SEC63: variants seen among roughly 807,000 people sequenced by gnomAD.
SEC63 encodes translocation protein SEC63 homolog.
SEC63 carries 56 observed loss-of-function variants against 116.2 expected under a neutral mutation model. That is an observed-to-expected ratio of 0.48 (90% CI 0.39 to 0.60). SEC63 has a LOEUF of 0.60. SEC63 is among the 20% of genes least tolerant of loss of function. SEC63 has a pLI of 0.00. For synonymous variants in SEC63, 273 were observed against 294.6 expected, an observed-to-expected ratio of 0.93 and a Z score of 0.75; for missense variants, 668 against 900.0, an observed-to-expected ratio of 0.74 and a Z score of 3.30.
intron 1 of SEC63, among the ~76,000 whole-genome samples, chr6:107,944,631 C>T (rs1026417192): frequency 1.3e-5 from 2 of 151,926 alleles, no homozygotes; most frequent in Admixed American, 6.6e-5. Context: ...CGGGAAGTGG[C>T]GGTTGCAGTG....
chr6:107,928,870 G>A lies in SEC63; in HGVS notation c.224+545C>T, dbSNP rs115080326. Among the ~76,000 whole-genome samples the A allele has an allele frequency of 9.6e-3, 1,463 of 152,308 alleles. 15 individuals are homozygous for A. The highest frequency in any genetic ancestry group is 0.033 in the African/African-American group (1,351 of 41,556). ...TAATGGCCTGTTTAAAATAAAGGGT[G>A]ATTAGGTCCCTGATCCAACACTTCT... On this transcript the variant is annotated intron_variant, in intron 2 of 20. Transcript: ENST00000369002.
intron 4 of SEC63, among the ~76,000 whole-genome samples, chr6:107,921,498 T>C (rs1787555331): frequency 6.6e-6 from 1 of 151,808 alleles, no homozygotes; most frequent in African/African-American, 2.4e-5. Context: ...GTCATCGAAG[T>C]TGGGCTGCAG....
chr6:107,937,353 T>C (rs1466384389), intron 1 of SEC63, among the ~76,000 whole-genome samples: 1 of 152,074 alleles, frequency 6.6e-6, no homozygotes, highest in Non-Finnish European at 1.5e-5. Context: ...CTCGAACTCC[T>C]GACCTCAGGT....
intron 16 of SEC63, among the ~76,000 whole-genome samples, chr6:107,891,986 G>A (rs1031055000): frequency 2.6e-5 from 4 of 152,228 alleles, no homozygotes; most frequent in African/African-American, 7.2e-5. Context: ...TGTATGAGCT[G>A]TCTCTTGTGG....
intron 8 of SEC63, among the ~76,000 whole-genome samples, chr6:107,908,316 T>C (rs1328735997): frequency 1.4e-5 from 2 of 144,150 alleles, no homozygotes; most frequent in Admixed American, 1.4e-4. Context: ...CTTTATATAA[T>C]CAAAGAAAGT....
chr6:107,951,709 C>T (rs376418733), intron 1 of SEC63, among the ~76,000 whole-genome samples: 1 of 151,906 alleles, frequency 6.6e-6, no homozygotes, highest in East Asian at 1.9e-4. Context: ...GTGGGCCGGG[C>T]GCGGTGGCTC....
chr6:107,939,000 T>C (rs1340399438), intron 1 of SEC63, among the ~76,000 whole-genome samples: 3 of 152,248 alleles, frequency 2.0e-5, no homozygotes, highest in Non-Finnish European at 4.4e-5. Context: ...AATATTACAA[T>C]GGCCGGGCAC....
intron 15 of SEC63, 46 bp from the exon 16 acceptor site, chr6:107,893,701 C>T (rs1221292809): frequency 5.6e-6 from 9 of 1,609,036 alleles, no homozygotes; most frequent in Non-Finnish European, 7.7e-6. Context: ...GCAACAGATT[C>T]AATTGAAGGT....
chr6:107,878,015 T>C, intron 18 of SEC63, among the ~76,000 whole-genome samples: 1 of 152,228 alleles, frequency 6.6e-6, no homozygotes, highest in East Asian at 1.9e-4. Context: ...CATATGTGTG[T>C]AAATACATAA....
intron 1 of SEC63, among the ~76,000 whole-genome samples, chr6:107,944,148 T>C (rs986514705): frequency 2.0e-5 from 3 of 152,188 alleles, no homozygotes; most frequent in Admixed American, 1.3e-4. Flanking sequence ...GAGTAACTTC[T>C]AATCCAGTCC....
At chr6:107,933,370 A>C (rs1051527817) in intron 1 of SEC63, among the ~76,000 whole-genome samples, 1 of 152,218 alleles carries the variant, frequency 6.6e-6, no homozygotes, top group Non-Finnish European at 1.5e-5. Context: ...TTACAGCAGC[A>C]ACAGGAAACA....
At chr6:107,905,128 G>A (rs1787118597) in intron 10 of SEC63, among the ~76,000 whole-genome samples, 1 of 152,134 alleles carries the variant, frequency 6.6e-6, no homozygotes, top group South Asian at 2.1e-4. Context: ...TACAGAAAGA[G>A]AAAGACTCTT....
At position 107,913,096 on chromosome 6, in the gene SEC63, A is replaced by G. The variant is rs573741199; in HGVS notation, c.514+270T>C. On this transcript the variant is annotated intron_variant, in intron 5 of 20. Coordinates refer to ENST00000369002, the MANE Select transcript of SEC63 (RefSeq NM_007214.5). ...ATGAGAAAATGTGAAGTCTGTAAAG[A>G]AAAATAAGATTTTTTCCTCCAAATT... 2.1e-3 allele frequency among the ~76,000 whole-genome samples: 327 copies of G among 152,312 alleles called. 4 individuals are homozygous for G. The highest frequency in any genetic ancestry group is 7.6e-3 in the African/African-American group (318 of 41,578).
intron 4 of SEC63, among the ~76,000 whole-genome samples, chr6:107,920,846 A>C (rs1315558410): frequency 3.3e-5 from 5 of 152,222 alleles, no homozygotes; most frequent in African/African-American, 1.2e-4. Context: ...AATGTTCCTC[A>C]AACTTTATAA....
At chr6:107,880,811 A>C (rs1298874235) in intron 18 of SEC63, 1 of 214,920 alleles carries the variant, frequency 4.7e-6, no homozygotes, top group East Asian at 1.1e-4. Context: ...ATAGTTAAGT[A>C]TTCAAAGGCA....
intron 1 of SEC63, among the ~76,000 whole-genome samples, chr6:107,942,491 A>G (rs953710163): frequency 4.6e-5 from 7 of 152,220 alleles, no homozygotes; most frequent in African/African-American, 1.7e-4. Flanking sequence ...AATATCCACT[A>G]CGTACCCGGA....
At chr6:107,907,697 A>C (rs770683710) in intron 8 of SEC63, among the ~76,000 whole-genome samples, 1 of 152,204 alleles carries the variant, frequency 6.6e-6, no homozygotes, top group African/African-American at 2.4e-5. Flanking sequence ...AATATTCTTC[A>C]TATCTGTGTA....
intron 16 of SEC63, among the ~76,000 whole-genome samples, chr6:107,890,784 C>T (rs1786663049): frequency 2.0e-5 from 3 of 152,170 alleles, no homozygotes; most frequent in Admixed American, 2.0e-4. Context: ...AATCCCTCCG[C>T]ATTTCCTTGT....
chr6:107,957,097 A>C (rs1770725507), intron 1 of SEC63: 1 of 152,164 alleles, frequency 6.6e-6, no homozygotes, highest in Non-Finnish European at 1.5e-5. Flanking sequence ...ATATGAAAAG[A>C]ATCTGTTATT....
Sources: gnomAD v4.1 joint callset for allele counts (sites outside exome capture counted in the v4.1 genomes callset) on GRCh38, gnomAD v4.1.1 for gene constraint, MANE v1.5 for transcripts, NCBI Gene and HGNC (gene_info 2026-07-23, HGNC 2026-07-21) for gene names.